LRMDA: variants seen among roughly 807,000 people sequenced by gnomAD.
The protein encoded by LRMDA is leucine rich melanocyte differentiation associated.
In LRMDA, 18 loss-of-function variants were observed where a neutral mutation model predicts 29.8. That is an observed-to-expected ratio of 0.60 (90% CI 0.42 to 0.90). LRMDA has a LOEUF of 0.90. Ranked by LOEUF, LRMDA falls within the 40% of genes least tolerant of loss-of-function variation. LRMDA has a pLI of 0.00. For missense variants in LRMDA, 273 were observed against 273.9 expected (o/e 1.00, Z 0.02); for synonymous variants, 125 against 109.4 (o/e 1.14, Z -0.89).
intron 2 of LRMDA, among the ~76,000 whole-genome samples, chr10:75,449,440 G>T (rs1589147496): frequency 6.6e-6 from 1 of 151,966 alleles, no homozygotes; most frequent in East Asian, 1.9e-4. Context: ...GCTTTTCATG[G>T]TGTAAATCTT....
chr10:75,583,336 A>T (rs1840617922), intron 2 of LRMDA, among the ~76,000 whole-genome samples: 1 of 152,218 alleles, frequency 6.6e-6, no homozygotes, highest in Non-Finnish European at 1.5e-5. Context: ...CTGTGCAGGA[A>T]GCACAGCAGC....
chr10:75,649,387 T>C (rs1213734820), intron 2 of LRMDA, among the ~76,000 whole-genome samples: 1 of 152,248 alleles, frequency 6.6e-6, no homozygotes, highest in Non-Finnish European at 1.5e-5. Flanking sequence ...CTTTTGGCTA[T>C]TGTGCTTTCC....
At chr10:76,218,360 C>T (rs553558209) in intron 5 of LRMDA, among the ~76,000 whole-genome samples, 9 of 152,282 alleles carry the variant, frequency 5.9e-5, no homozygotes, top group East Asian at 1.9e-4. Flanking sequence ...ATGGCAGTGC[C>T]GAGAGACCCG....
At chr10:76,533,513 T>C (rs1434135740) in intron 6 of LRMDA, among the ~76,000 whole-genome samples, 3 of 152,202 alleles carry the variant, frequency 2.0e-5, no homozygotes, top group Non-Finnish European at 2.9e-5. Flanking sequence ...CAAGAACAAC[T>C]TGCTGTCATT....
At chr10:76,315,613 AGC>A (rs2132385076) in intron 5 of LRMDA, among the ~76,000 whole-genome samples, 1 of 25,124 alleles carries the variant, frequency 4.0e-5, no homozygotes, top group Non-Finnish European at 3.8e-4. Context: ...CGCAGGAAGC[AGC>A]AGCCCAGGGG....
chr10:75,806,115 A>G (rs1182172304), intron 2 of LRMDA, among the ~76,000 whole-genome samples: 1 of 152,156 alleles, frequency 6.6e-6, no homozygotes. Flanking sequence ...GGGGTACCAC[A>G]CACTTAAACC....
intron 2 of LRMDA, among the ~76,000 whole-genome samples, chr10:75,950,635 G>A (rs1846557734): frequency 6.6e-6 from 1 of 152,198 alleles, no homozygotes; most frequent in African/African-American, 2.4e-5. Flanking sequence ...TCTGCTAATT[G>A]AAGTCCTCTT....
intron 2 of LRMDA, among the ~76,000 whole-genome samples, chr10:75,879,867 A>G (rs1375426589): frequency 1.3e-5 from 2 of 152,244 alleles, no homozygotes; most frequent in South Asian, 2.1e-4. Flanking sequence ...TGTATTTTCT[A>G]TATTTCCTTT....
At chr10:75,569,775 A>G (rs1840415265) in intron 2 of LRMDA, among the ~76,000 whole-genome samples, 1 of 152,230 alleles carries the variant, frequency 6.6e-6, no homozygotes, top group Non-Finnish European at 1.5e-5. Flanking sequence ...CACAAATCAG[A>G]TCAAGGTGCT....
chr10:75,498,138 T>C (rs920558697), intron 2 of LRMDA, among the ~76,000 whole-genome samples: 8 of 152,186 alleles, frequency 5.3e-5, no homozygotes, highest in African/African-American at 1.7e-4. Flanking sequence ...TGGTTTTAAT[T>C]TGCCTGTGGT....
chr10:75,618,440 C>T (rs1035937699), intron 2 of LRMDA, among the ~76,000 whole-genome samples: 1 of 136,744 alleles, frequency 7.3e-6, no homozygotes, highest in East Asian at 2.1e-4. Context: ...TATATGTATA[C>T]CAACTATATA....
chr10:75,874,292 G>T (rs776010668), intron 2 of LRMDA, among the ~76,000 whole-genome samples: 1 of 152,128 alleles, frequency 6.6e-6, no homozygotes, highest in Non-Finnish European at 1.5e-5. Flanking sequence ...CAGAAGAAGG[G>T]ATATGATGTG....
chr10:75,432,570 G>T (rs1844212748), intron 1 of LRMDA, among the ~76,000 whole-genome samples: 1 of 152,242 alleles, frequency 6.6e-6, no homozygotes, highest in South Asian at 2.1e-4. Flanking sequence ...CTGCTCTGAT[G>T]AAGCCAGAGC....
At chr10:76,410,014 C>T (rs993661499) in intron 6 of LRMDA, among the ~76,000 whole-genome samples, 3 of 152,198 alleles carry the variant, frequency 2.0e-5, no homozygotes, top group South Asian at 2.1e-4. Flanking sequence ...ATTGAAGCCT[C>T]GACAACCGTA....
intron 2 of LRMDA, among the ~76,000 whole-genome samples, chr10:75,539,077 A>G (rs1394218603): frequency 6.6e-6 from 1 of 152,148 alleles, no homozygotes; most frequent in Non-Finnish European, 1.5e-5. Context: ...ATGGTTTAAA[A>G]CCAAAAAAAC....
chr10:75,692,233 TATATATATATATATAC>T (rs1842172691), intron 2 of LRMDA, among the ~76,000 whole-genome samples: 7 of 139,440 alleles, frequency 5.0e-5, no homozygotes, highest in Non-Finnish European at 9.2e-5. Flanking sequence ...TATATATATA[TATATATATATATATAC>T]ATATATATAT....
intron 5 of LRMDA, among the ~76,000 whole-genome samples, chr10:76,286,901 G>A (rs980184469): frequency 6.6e-6 from 1 of 152,122 alleles, no homozygotes; most frequent in African/African-American, 2.4e-5. Context: ...ATCTTGACAT[G>A]GGGGATCTAT....
chr10:76,017,939 G>C (rs900004937), intron 2 of LRMDA, among the ~76,000 whole-genome samples: 2 of 152,192 alleles, frequency 1.3e-5, no homozygotes, highest in Non-Finnish European at 2.9e-5. Flanking sequence ...AAGTCATGCA[G>C]TCTGTCAATC....
At chr10:76,340,374 G>C (rs184771960) in intron 6 of LRMDA, among the ~76,000 whole-genome samples, 60 of 151,836 alleles carry the variant, frequency 4.0e-4, no homozygotes, top group Middle Eastern at 3.4e-3. Flanking sequence ...AAAATAGCTG[G>C]GCATGGTGAT....
Sources: gnomAD v4.1 joint callset for allele counts (sites outside exome capture counted in the v4.1 genomes callset) on GRCh38, gnomAD v4.1.1 for gene constraint, MANE v1.5 for transcripts, NCBI Gene and HGNC (gene_info 2026-07-23, HGNC 2026-07-21) for gene names.